The following C2CD3 variants were observed in gnomAD, a reference collection of about 807,000 sequenced individuals.
C2CD3 encodes the protein C2 domain-containing protein 3.
In C2CD3, 148 loss-of-function variants were observed where a neutral mutation model predicts 234.0. That is an observed-to-expected ratio of 0.63 (90% CI 0.55 to 0.72). The LOEUF (loss-of-function observed/expected upper bound fraction) is 0.72. Among genes scored for constraint, C2CD3 ranks in the 30% least tolerant of loss-of-function variants. C2CD3 has a pLI of 0.00. For synonymous variants in C2CD3, 1,000 were observed against 1,035.4 expected, an observed-to-expected ratio of 0.97 and a Z score of 0.66; for missense variants, 2,577 against 2,811.5, an observed-to-expected ratio of 0.92 and a Z score of 1.89.
chr11:74,143,220 A>G (rs1854925013), intron 3 of C2CD3, among the ~76,000 whole-genome samples: 1 of 152,222 alleles, frequency 6.6e-6, no homozygotes. Flanking sequence ...CGCTTTAACA[A>G]TAAGTTGCCT....
At chr11:74,150,511 A>AAC (rs1294503430) in intron 3 of C2CD3, among the ~76,000 whole-genome samples, 4 of 74,824 alleles carry the variant, frequency 5.3e-5, no homozygotes, top group Admixed American at 3.2e-4. Flanking sequence ...AAAAAAAAAA[A>AAC]AAAACAAAAA....
chr11:74,117,142 GAA>G (rs1957034952), intron 9 of C2CD3, among the ~76,000 whole-genome samples: 2 of 19,710 alleles, frequency 1.0e-4, no homozygotes, highest in African/African-American at 3.4e-4. Context: ...ATATATATAT[GAA>G]TATATATATA....
chr11:74,018,350 C>T (rs1300417299), intron 32 of C2CD3, among the ~76,000 whole-genome samples: 2 of 152,162 alleles, frequency 1.3e-5, no homozygotes, highest in Admixed American at 6.5e-5. Context: ...ATCTCCTGTA[C>T]TGAGGTAAGC....
At chr11:74,100,827 C>T (rs1456328078) in intron 14 of C2CD3, 151 bp from the exon 15 acceptor site, 2 of 637,470 alleles carry the variant, frequency 3.1e-6, no homozygotes, top group African/African-American at 3.8e-5. Context: ...TACTCTGTAT[C>T]CTCAAGAGAA....
chr11:74,146,710 C>CCACA (rs141560536), intron 3 of C2CD3, among the ~76,000 whole-genome samples: 1,339 of 84,986 alleles, frequency 0.016, 10 homozygotes, highest in East Asian at 0.022. Context: ...AAAAGTCAAA[C>CCACA]CACACACACA....
intron 16 of C2CD3, among the ~76,000 whole-genome samples, 180 bp from the exon 17 acceptor site, chr11:74,095,588 T>C (rs765610773): frequency 6.6e-6 from 1 of 152,232 alleles, no homozygotes; most frequent in African/African-American, 2.4e-5. Context: ...CTAAACAGGA[T>C]GTACTCTTGA....
intron 24 of C2CD3, among the ~76,000 whole-genome samples, chr11:74,072,019 CA>C (rs563756783): frequency 4.7e-5 from 7 of 150,190 alleles, no homozygotes; most frequent in African/African-American, 1.2e-4. Context: ...AATGCAACTA[CA>C]AAAAAAAACT....
chr11:74,136,816 G>A (rs551942464), intron 5 of C2CD3, among the ~76,000 whole-genome samples: 2 of 152,130 alleles, frequency 1.3e-5, no homozygotes, highest in East Asian at 1.9e-4. Flanking sequence ...GGGGGCTAGG[G>A]GAGAGATAGC....
chr11:74,071,137 T>C (rs140317019), intron 24 of C2CD3, among the ~76,000 whole-genome samples: 2 of 152,352 alleles, frequency 1.3e-5, no homozygotes, highest in East Asian at 3.9e-4. Flanking sequence ...GTGTGTTGTT[T>C]GTTTATCCCA....
intron 9 of C2CD3, among the ~76,000 whole-genome samples, chr11:74,117,061 A>AAT (rs1411018892): frequency 4.2e-5 from 1 of 23,538 alleles, no homozygotes; most frequent in Non-Finnish European, 9.3e-5. Flanking sequence ...TATATATATG[A>AAT]ATATATATAT....
At chr11:74,122,602 C>T (rs1339170446) in intron 8 of C2CD3, among the ~76,000 whole-genome samples, 3 of 152,174 alleles carry the variant, frequency 2.0e-5, no homozygotes, top group Non-Finnish European at 4.4e-5. Context: ...GTTTTGTCTC[C>T]TGTGAGTAAG....
chr11:74,051,985 G>T (rs1953712922), intron 26 of C2CD3, among the ~76,000 whole-genome samples: 1 of 152,076 alleles, frequency 6.6e-6, no homozygotes, highest in Non-Finnish European at 1.5e-5. Flanking sequence ...ATTTATGCTA[G>T]AGTCTGCAAA....
chr11:74,099,813 G>A (rs962705583), intron 15 of C2CD3, among the ~76,000 whole-genome samples: 3 of 151,644 alleles, frequency 2.0e-5, no homozygotes, highest in African/African-American at 4.8e-5. Context: ...GAAGAATGGC[G>A]TGAACCCAGG....
At chr11:74,054,939 A>T (rs1423986350) in intron 25 of C2CD3, among the ~76,000 whole-genome samples, 1 of 152,206 alleles carries the variant, frequency 6.6e-6, no homozygotes, top group Non-Finnish European at 1.5e-5. Flanking sequence ...CCTAAGACAG[A>T]GGAGGAAGTA....
chr11:74,037,684 T>C lies in C2CD3; in HGVS notation c.5675A>G (p.Glu1892Gly). The C allele has an allele frequency of 6.2e-7, 1 of 1,613,392 alleles. No individual in the cohort carries two copies. The highest frequency in any genetic ancestry group is 2.2e-5 in the East Asian group (1 of 44,856). Residue 1892 changes from glutamate to glycine, a missense_variant, in exon 30 of 33, where the codon GAG becomes GGG. Transcript: ENST00000334126. ...ILTSLRKNLS[E>G]LDQIQRYFRQ... ...GAAGTACCTCTGAATCTGATCAAGC[T>C]CACTCAGATTCTTCCTATAAACAAA...
chr11:74,117,011 C>CGTGTGTGTGT, intron 9 of C2CD3, among the ~76,000 whole-genome samples: 1 of 108,630 alleles, frequency 9.2e-6, no homozygotes, highest in Admixed American at 9.6e-5. Flanking sequence ...TGTATATATA[C>CGTGTGTGTGT]ACATATATAC....
At chr11:74,027,242 G>C (rs914282117) in intron 32 of C2CD3, among the ~76,000 whole-genome samples, 5 of 152,056 alleles carry the variant, frequency 3.3e-5, no homozygotes, top group South Asian at 2.1e-4. Context: ...AAGTAGCAGG[G>C]ACTATAGGCA....
intron 22 of C2CD3, among the ~76,000 whole-genome samples, chr11:74,081,641 T>A (rs1420087390): frequency 6.6e-6 from 1 of 152,206 alleles, no homozygotes; most frequent in Non-Finnish European, 1.5e-5. Flanking sequence ...ATCATCATCA[T>A]CATCACCACC....
chr11:74,077,130 G>A (rs754111048), intron 23 of C2CD3, among the ~76,000 whole-genome samples: 2 of 151,750 alleles, frequency 1.3e-5, no homozygotes, highest in African/African-American at 4.8e-5. Context: ...TTTCTTTATG[G>A]TTCCAAGATG....
Sources: gnomAD v4.1 joint callset for allele counts (sites outside exome capture counted in the v4.1 genomes callset) on GRCh38, gnomAD v4.1.1 for gene constraint, MANE v1.5 for transcripts, NCBI Gene and HGNC (gene_info 2026-07-23, HGNC 2026-07-21) for gene names.